The following CSTPP1 variants were observed in gnomAD, a reference collection of about 807,000 sequenced individuals.
CSTPP1 encodes centriolar satellite-associated tubulin polyglutamylase complex regulator 1.
At chr11:47,101,159 G>A in the CSTPP1 span, among the ~76,000 whole-genome samples, 12 of 89,732 alleles carry the variant, frequency 1.3e-4, no homozygotes, top group East Asian at 2.5e-4. Context: ...CCACCACACC[G>A]GCTAATTTTT....
At chr11:47,102,689 G>GT in the CSTPP1 span, among the ~76,000 whole-genome samples, 4 of 152,254 alleles carry the variant, frequency 2.6e-5, no homozygotes, top group Non-Finnish European at 5.9e-5. Flanking sequence ...TCTTTCAGCT[G>GT]TGTTTGTCCC....
At chr11:47,037,836 C>T in the CSTPP1 span, among the ~76,000 whole-genome samples, 8 of 127,478 alleles carry the variant, frequency 6.3e-5, 2 homozygotes, top group African/African-American at 9.9e-5. Context: ...TTTCCCCACC[C>T]TTCCCCCCTT....
chr11:47,154,763 A>T, the CSTPP1 span, among the ~76,000 whole-genome samples: 1 of 152,086 alleles, frequency 6.6e-6, no homozygotes, highest in Non-Finnish European at 1.5e-5. Flanking sequence ...GATCAGCTGT[A>T]TTTATTCTGA....
the CSTPP1 span, among the ~76,000 whole-genome samples, chr11:46,999,896 G>A: frequency 0.16 from 24,119 of 152,082 alleles, 6,444 homozygotes; most frequent in African/African-American, 0.55. Flanking sequence ...CTTGGTTGTT[G>A]GTGTTTTCAA....
chr11:46,972,699 A>G, the CSTPP1 span, among the ~76,000 whole-genome samples: 1 of 152,228 alleles, frequency 6.6e-6, no homozygotes, highest in Admixed American at 6.5e-5. Context: ...TTCAAAATGC[A>G]GGATCTGAGA....
At chr11:46,981,691 C>T in the CSTPP1 span, among the ~76,000 whole-genome samples, 2 of 151,992 alleles carry the variant, frequency 1.3e-5, no homozygotes, top group African/African-American at 4.8e-5. Flanking sequence ...GGAGTCAAAT[C>T]TAAGTTTGAA....
chr11:47,015,253 G>A, the CSTPP1 span, among the ~76,000 whole-genome samples: 1 of 152,026 alleles, frequency 6.6e-6, no homozygotes, highest in East Asian at 1.9e-4. Context: ...GGGATCGCGA[G>A]GTCAGGAGAC....
the CSTPP1 span, among the ~76,000 whole-genome samples, chr11:47,022,358 C>CTT: frequency 2.0e-5 from 1 of 48,806 alleles, no homozygotes; most frequent in Non-Finnish European, 3.6e-5. Context: ...TTCATATGTC[C>CTT]TTTTTTTTTT....
chr11:46,978,512 T>G, the CSTPP1 span, among the ~76,000 whole-genome samples: 1 of 152,244 alleles, frequency 6.6e-6, no homozygotes, highest in Admixed American at 6.5e-5. Context: ...AGATGATATG[T>G]TAAGTGTTAT....
At chr11:46,982,284 G>A in the CSTPP1 span, among the ~76,000 whole-genome samples, 1 of 151,880 alleles carries the variant, frequency 6.6e-6, no homozygotes, top group South Asian at 2.1e-4. Flanking sequence ...CTCTGGCAAG[G>A]GGGGAAAAAG....
the CSTPP1 span, chr11:47,164,354 CTT>C: frequency 7.8e-7 from 1 of 1,274,420 alleles, no homozygotes; most frequent in Non-Finnish European, 1.1e-6. Context: ...TTTGACACCA[CTT>C]TGTTTCAATA....
the CSTPP1 span, among the ~76,000 whole-genome samples, chr11:47,056,838 C>T: frequency 1.3e-5 from 2 of 152,230 alleles, no homozygotes; most frequent in East Asian, 3.9e-4. Context: ...ATGCCAGGTA[C>T]CTACCTACTC....
the CSTPP1 span, among the ~76,000 whole-genome samples, chr11:47,162,566 T>A: frequency 6.6e-6 from 1 of 152,034 alleles, no homozygotes; most frequent in East Asian, 1.9e-4. Flanking sequence ...GCCAAGCACC[T>A]GCTTGGGGTT....
the CSTPP1 span, chr11:47,160,128 C>G: frequency 6.0e-6 from 1 of 167,524 alleles, no homozygotes; most frequent in Non-Finnish European, 1.3e-5. Flanking sequence ...ATAGGGAGAA[C>G]CCCGTCTCTT....
At chr11:47,059,832 C>T in the CSTPP1 span, among the ~76,000 whole-genome samples, 8 of 152,178 alleles carry the variant, frequency 5.3e-5, no homozygotes, top group East Asian at 3.9e-4. Context: ...CCGCTGGGCG[C>T]GGTGACTCAT....
the CSTPP1 span, among the ~76,000 whole-genome samples, chr11:47,156,321 AG>A: frequency 6.6e-6 from 1 of 152,180 alleles, no homozygotes; most frequent in South Asian, 2.1e-4. Context: ...GCACCCCCAG[AG>A]GGATGGGACA....
chr11:47,098,344 A>T, the CSTPP1 span, among the ~76,000 whole-genome samples: 14 of 149,922 alleles, frequency 9.3e-5, no homozygotes, highest in South Asian at 4.2e-4. Flanking sequence ...AATAAAAAAT[A>T]AAAAAAAATA....
the CSTPP1 span, among the ~76,000 whole-genome samples, chr11:47,015,828 A>C: frequency 6.6e-6 from 1 of 152,188 alleles, no homozygotes; most frequent in Non-Finnish European, 1.5e-5. Flanking sequence ...ACATTTAAAA[A>C]TCAATGTAAA....
the CSTPP1 span, among the ~76,000 whole-genome samples, chr11:47,035,748 T>C: frequency 5.9e-5 from 9 of 152,280 alleles, no homozygotes; most frequent in African/African-American, 1.9e-4. Flanking sequence ...CTACATATTT[T>C]ATGCATTCAG....
Sources: allele counts gnomAD v4.1 joint callset (sites outside exome capture counted in the v4.1 genomes callset), GRCh38; gene constraint gnomAD v4.1.1; transcripts MANE v1.5; gene names NCBI Gene and HGNC (gene_info 2026-07-23, HGNC 2026-07-21).